MAML3: variants seen among roughly 807,000 people sequenced by gnomAD.
MAML3 encodes mastermind like transcriptional coactivator 3, also known as mastermind-like protein 3.
Under a neutral mutation model 101.9 loss-of-function variants are expected in MAML3, and 27 were observed. The ratio of observed to expected loss-of-function variants is 0.27; its 90% confidence interval spans 0.20 to 0.37. MAML3 has a LOEUF of 0.37. Ranked by LOEUF, MAML3 falls within the 10% of genes least tolerant of loss-of-function variation. The pLI, the probability that MAML3 is intolerant of heterozygous loss-of-function variation, is 1.00. For synonymous variants in MAML3, 501 were observed against 555.9 expected (o/e 0.90, Z 1.39); for missense variants, 1,316 against 1,444.9 (o/e 0.91, Z 1.45).
At chr4:140,026,832 T>C (rs1255216474) in intron 1 of MAML3, among the ~76,000 whole-genome samples, 1 of 152,174 alleles carries the variant, frequency 6.6e-6, no homozygotes, top group African/African-American at 2.4e-5. Flanking sequence ...CTGGAGAATA[T>C]CCTGTTAAGT....
chr4:139,810,068 T>C (rs1415019988), intron 2 of MAML3, among the ~76,000 whole-genome samples: 1 of 152,110 alleles, frequency 6.6e-6, no homozygotes, highest in Admixed American at 6.6e-5. Context: ...ATCATCTTTA[T>C]AGTCTTATAT....
At chr4:139,767,098 G>A (rs1729877093) in intron 2 of MAML3, among the ~76,000 whole-genome samples, 4 of 152,170 alleles carry the variant, frequency 2.6e-5, no homozygotes, top group Admixed American at 2.6e-4. Flanking sequence ...GCCTCCCAAG[G>A]AAACAGACAA....
At chr4:140,122,731 G>C (rs1009147501) in intron 1 of MAML3, among the ~76,000 whole-genome samples, 1 of 142,688 alleles carries the variant, frequency 7.0e-6, no homozygotes, top group African/African-American at 2.6e-5. Context: ...GGCGGAGCTT[G>C]CAGTGAGCTG....
intron 2 of MAML3, among the ~76,000 whole-genome samples, chr4:139,886,166 G>A (rs1050534552): frequency 2.6e-5 from 4 of 151,808 alleles, no homozygotes; most frequent in African/African-American, 7.3e-5. Context: ...AGTGTGGGAG[G>A]CAGGTTTTAG....
intron 1 of MAML3, among the ~76,000 whole-genome samples, chr4:140,057,973 T>C (rs868189065): frequency 0.043 from 6,518 of 152,144 alleles, 453 homozygotes; most frequent in African/African-American, 0.15. Context: ...GGGGTTTTTT[T>C]TTTCAACTCA....
chr4:139,899,571 GC>G (rs1732677364), intron 1 of MAML3, among the ~76,000 whole-genome samples: 1 of 152,060 alleles, frequency 6.6e-6, no homozygotes, highest in East Asian at 1.9e-4. Context: ...CAAAGTCTAT[GC>G]CAAAAAGTGA....
chr4:140,089,709 T>C (rs984395308), intron 1 of MAML3, among the ~76,000 whole-genome samples: 7 of 152,122 alleles, frequency 4.6e-5, no homozygotes, highest in African/African-American at 1.7e-4. Context: ...ACCATAGGGA[T>C]GGAGAGCAGA....
At chr4:139,769,541 A>T (rs1280446710) in intron 2 of MAML3, among the ~76,000 whole-genome samples, 1 of 152,178 alleles carries the variant, frequency 6.6e-6, no homozygotes, top group Non-Finnish European at 1.5e-5. Flanking sequence ...TCACCAGGAA[A>T]ATCTACATGT....
chr4:139,734,303 C>T (rs1279094590), intron 2 of MAML3, among the ~76,000 whole-genome samples: 2 of 152,208 alleles, frequency 1.3e-5, no homozygotes, highest in African/African-American at 2.4e-5. Context: ...TTAGAGAAAA[C>T]CAGGCTGAGC....
At chr4:139,801,643 G>GTGTGTGTGTGCGT (rs1560798508) in intron 2 of MAML3, among the ~76,000 whole-genome samples, 1 of 30,744 alleles carries the variant, frequency 3.3e-5, no homozygotes, top group African/African-American at 8.7e-5. Context: ...GGTGTGTGTG[G>GTGTGTGTGTGCGT]GTGTGTGTGT....
intron 2 of MAML3, among the ~76,000 whole-genome samples, chr4:139,820,795 CT>C (rs770995015): frequency 2.0e-5 from 3 of 151,366 alleles, no homozygotes; most frequent in African/African-American, 4.9e-5. Flanking sequence ...TCATAAAGGT[CT>C]TTTTTTTTCC....
At chr4:140,096,986 G>C (rs1008886453) in intron 1 of MAML3, among the ~76,000 whole-genome samples, 16 of 152,060 alleles carry the variant, frequency 1.1e-4, no homozygotes, top group Admixed American at 7.2e-4. Flanking sequence ...ATGAGCCATT[G>C]CTTAACTTCA....
At chr4:139,737,318 T>C (rs2111011849) in intron 2 of MAML3, among the ~76,000 whole-genome samples, 1 of 152,142 alleles carries the variant, frequency 6.6e-6, no homozygotes, top group South Asian at 2.1e-4. Flanking sequence ...TTGTTGATTT[T>C]TTTTTTTTAA....
intron 2 of MAML3, among the ~76,000 whole-genome samples, chr4:139,836,371 A>C (rs115173483): frequency 0.017 from 2,584 of 152,338 alleles, 34 homozygotes; most frequent in Middle Eastern, 0.061. Flanking sequence ...GGAGAAAAGC[A>C]TCAATGCCAT....
At chr4:140,152,793 C>T in intron 1 of MAML3, 67 bp downstream of exon 1, 1 of 1,560,268 alleles carries the variant, frequency 6.4e-7, no homozygotes, top group Non-Finnish European at 8.7e-7. Context: ...TAAGAAGCTC[C>T]ACGCGCCCCC....
chr4:139,926,063 A>T (rs577622845), intron 1 of MAML3, among the ~76,000 whole-genome samples: 89 of 152,326 alleles, frequency 5.8e-4, no homozygotes, highest in Admixed American at 1.8e-3. Flanking sequence ...TCAACAGAGG[A>T]TTCAGACAGA....
chr4:139,947,734 G>T (rs557777356), intron 1 of MAML3, among the ~76,000 whole-genome samples: 1 of 152,198 alleles, frequency 6.6e-6, no homozygotes, highest in South Asian at 2.1e-4. Flanking sequence ...TCGACAGCAG[G>T]ATTCCGTCTC....
chr4:139,736,198 A>G (rs191489014), intron 2 of MAML3, among the ~76,000 whole-genome samples: 1 of 152,300 alleles, frequency 6.6e-6, no homozygotes, highest in Admixed American at 6.5e-5. Context: ...CTTTAGCCCA[A>G]CTGGGATTTC....
intron 1 of MAML3, among the ~76,000 whole-genome samples, chr4:139,944,020 G>A (rs1183206581): frequency 1.3e-5 from 2 of 151,600 alleles, no homozygotes; most frequent in Non-Finnish European, 1.5e-5. Context: ...ACAGGCGTGC[G>A]CCACCACACC....
Sources: allele counts gnomAD v4.1 joint callset (sites outside exome capture counted in the v4.1 genomes callset), GRCh38; gene constraint gnomAD v4.1.1; transcripts MANE v1.5; gene names NCBI Gene and HGNC (gene_info 2026-07-23, HGNC 2026-07-21).